CELF4: variants seen among roughly 807,000 people sequenced by gnomAD.
The protein encoded by CELF4 is CUG-BP- and ETR-3-like factor 4.
CELF4 carries 18 observed loss-of-function variants against 59.9 expected under a neutral mutation model. That is an observed-to-expected ratio of 0.30 (90% CI 0.21 to 0.45). CELF4 has a LOEUF of 0.45. Among genes scored for constraint, CELF4 ranks in the 20% least tolerant of loss-of-function variants. CELF4 has a pLI of 1.00. For synonymous variants in CELF4, 261 were observed against 267.1 expected, an observed-to-expected ratio of 0.98 and a Z score of 0.22; for missense variants, 456 against 689.0, an observed-to-expected ratio of 0.66 and a Z score of 3.79.
intron 1 of CELF4, among the ~76,000 whole-genome samples, chr18:37,500,136 C>A (rs1312804012): frequency 1.3e-5 from 2 of 152,122 alleles, no homozygotes; most frequent in African/African-American, 4.8e-5. Context: ...GGCTGTGCAC[C>A]AAATGGAAGG....
chr18:37,368,969 C>T (rs670867), intron 2 of CELF4, among the ~76,000 whole-genome samples: 3,816 of 152,312 alleles, frequency 0.025, 161 homozygotes, highest in African/African-American at 0.087. Context: ...ATGCGCACTG[C>T]AAACCTCCGG....
intron 2 of CELF4, among the ~76,000 whole-genome samples, chr18:37,463,199 G>C (rs2099798558): frequency 1.3e-5 from 2 of 152,196 alleles, no homozygotes; most frequent in South Asian, 4.1e-4. Context: ...GATGACTGCA[G>C]AGCATTAACC....
intron 2 of CELF4, among the ~76,000 whole-genome samples, chr18:37,463,044 C>G (rs2099798162): frequency 1.3e-5 from 2 of 152,292 alleles, no homozygotes; most frequent in Admixed American, 1.3e-4. Context: ...CTCTTGTCCT[C>G]AGGGAGCTCC....
intron 2 of CELF4, among the ~76,000 whole-genome samples, chr18:37,382,664 A>G (rs922252429): frequency 6.6e-6 from 1 of 152,210 alleles, no homozygotes; most frequent in African/African-American, 2.4e-5. Flanking sequence ...TTTTCTCTAG[A>G]ACACAAATGA....
At chr18:37,351,959 G>C (rs2098451976) in intron 2 of CELF4, among the ~76,000 whole-genome samples, 1 of 152,162 alleles carries the variant, frequency 6.6e-6, no homozygotes, top group Non-Finnish European at 1.5e-5. Flanking sequence ...CTACTCAGGG[G>C]AAGCAGCTCT....
intron 2 of CELF4, among the ~76,000 whole-genome samples, chr18:37,429,469 A>G (rs2099634745): frequency 6.6e-6 from 1 of 151,964 alleles, no homozygotes; most frequent in African/African-American, 2.4e-5. Context: ...ATGTGTGCCT[A>G]TGTGTGCCAG....
At chr18:37,258,263 A>AC (rs1373077297) in intron 11 of CELF4, among the ~76,000 whole-genome samples, 3 of 133,774 alleles carry the variant, frequency 2.2e-5, no homozygotes, top group Non-Finnish European at 3.2e-5. Context: ...CCCGTGAAAC[A>AC]CCCCCCTCTG....
chr18:37,275,022 C>T (rs1039820220), intron 4 of CELF4, 93 bp downstream of exon 4: 3 of 1,547,736 alleles, frequency 1.9e-6, no homozygotes, highest in Non-Finnish European at 2.6e-6. Context: ...CAGAGACAGA[C>T]GGCGATGGCC....
intron 9 of CELF4, among the ~76,000 whole-genome samples, chr18:37,265,230 C>T (rs1612530): frequency 0.36 from 54,777 of 151,760 alleles, 13,733 homozygotes; most frequent in African/African-American, 0.72. Flanking sequence ...CGTGTGTGCG[C>T]GCACGTGCAC....
Position 37,356,063 on chromosome 18 carries a change from A to T in CELF4, c.370-34182T>A, listed in dbSNP as rs546807489. Among the ~76,000 whole-genome samples, 10 of 152,304 alleles carry T rather than the reference A, an allele frequency of 6.6e-5. No homozygotes were observed. In the East Asian group the frequency reaches 1.9e-3, roughly 29 times the overall value. On this transcript the variant is annotated intron_variant, in intron 2 of 12. Transcript: ENST00000420428. ...GCCCCAGGGTCTCTCTGGAAATGGT[A>T]GTATGGGTGCACTGAGGCCGTTTAT...
chr18:37,391,313 CT>C (rs1230637112), intron 2 of CELF4, among the ~76,000 whole-genome samples: 1 of 152,202 alleles, frequency 6.6e-6, no homozygotes, highest in Non-Finnish European at 1.5e-5. Context: ...AAAGCTGCCC[CT>C]CTCTAAGGAG....
intron 2 of CELF4, among the ~76,000 whole-genome samples, chr18:37,410,877 C>T (rs76917286): frequency 6.6e-6 from 1 of 152,334 alleles, no homozygotes; most frequent in African/African-American, 2.4e-5. Context: ...AGCTGCCCTG[C>T]AGGGGCACTG....
At chr18:37,334,726 G>C (rs553044412) in intron 2 of CELF4, among the ~76,000 whole-genome samples, 1 of 151,708 alleles carries the variant, frequency 6.6e-6, no homozygotes, top group Non-Finnish European at 1.5e-5. Context: ...GCCCTGACCC[G>C]GGGGGGACAG....
intron 2 of CELF4, among the ~76,000 whole-genome samples, chr18:37,398,787 C>T (rs2099278275): frequency 6.6e-6 from 1 of 152,188 alleles, no homozygotes; most frequent in Non-Finnish European, 1.5e-5. Context: ...CTCGAGATCG[C>T]ACCATGGACC....
intron 2 of CELF4, among the ~76,000 whole-genome samples, chr18:37,389,240 A>G (rs1484558584): frequency 6.6e-6 from 1 of 152,126 alleles, no homozygotes; most frequent in Non-Finnish European, 1.5e-5. Context: ...GAGACATTCA[A>G]ATTACTGATA....
At chr18:37,343,329 CTGTGTGTGTGTGTGTGTGTG>C (rs5824051) in intron 2 of CELF4, among the ~76,000 whole-genome samples, 123 of 127,044 alleles carry the variant, frequency 9.7e-4, no homozygotes, top group Middle Eastern at 4.0e-3. Flanking sequence ...GGTGTTGATT[CTGTGTGTGTGTGTGTGTGTG>C]TGTGTGTGTG....
intron 2 of CELF4, among the ~76,000 whole-genome samples, chr18:37,390,948 G>C (rs186715751): frequency 6.6e-6 from 1 of 152,098 alleles, no homozygotes; most frequent in Admixed American, 6.5e-5. Flanking sequence ...AGGGGCAGCC[G>C]CTGCAGGGAG....
intron 2 of CELF4, among the ~76,000 whole-genome samples, chr18:37,352,820 A>G (rs2098469211): frequency 6.6e-6 from 1 of 152,116 alleles, no homozygotes; most frequent in Non-Finnish European, 1.5e-5. Flanking sequence ...CTCAGCTGAG[A>G]GGAGGCAGCT....
At chr18:37,389,475 C>T (rs1000165885) in intron 2 of CELF4, among the ~76,000 whole-genome samples, 1 of 152,196 alleles carries the variant, frequency 6.6e-6, no homozygotes, top group Non-Finnish European at 1.5e-5. Context: ...TCATCCATCA[C>T]CATCTGATCT....
Sources: gnomAD v4.1 joint callset for allele counts (sites outside exome capture counted in the v4.1 genomes callset) on GRCh38, gnomAD v4.1.1 for gene constraint, MANE v1.5 for transcripts, NCBI Gene and HGNC (gene_info 2026-07-23, HGNC 2026-07-21) for gene names.